The following CLIP1 variants were observed in gnomAD, a reference collection of about 807,000 sequenced individuals.
CLIP1 encodes the protein CAP-Gly domain containing linker protein 1, also known as CAP-Gly domain-containing linker protein 1.
CLIP1 carries 66 observed loss-of-function variants against 161.6 expected under a neutral mutation model. The observed-to-expected ratio is 0.41, with a 90% CI of 0.33 to 0.50. The LOEUF (loss-of-function observed/expected upper bound fraction) is 0.50, where lower values mean the gene tolerates loss of function less well. Among genes scored for constraint, CLIP1 ranks in the 20% least tolerant of loss-of-function variants. The probability of loss-of-function intolerance (pLI) is 0.27; values close to 1 mark genes in which losing one functional copy is unlikely to be tolerated. For synonymous variants in CLIP1, 598 were observed against 626.2 expected, an observed-to-expected ratio of 0.96 and a Z score of 0.67; for missense variants, 1,376 against 1,702.0, an observed-to-expected ratio of 0.81 and a Z score of 3.37.
At chr12:122,309,392 A>AT (rs550424477) in intron 20 of CLIP1, among the ~76,000 whole-genome samples, 19 of 152,326 alleles carry the variant, frequency 1.2e-4, no homozygotes, top group African/African-American at 4.6e-4. Context: ...TTCAAAATCA[A>AT]TTTTGATGAA....
intron 17 of CLIP1, among the ~76,000 whole-genome samples, chr12:122,327,215 A>G (rs762448577): frequency 1.2e-4 from 19 of 152,078 alleles, no homozygotes; most frequent in Non-Finnish European, 2.2e-4. Flanking sequence ...AGAGGCCAAG[A>G]TGGGAGGACT....
chr12:122,333,871 G>T (rs547839842), intron 14 of CLIP1, among the ~76,000 whole-genome samples, 156 bp downstream of exon 14: 1 of 152,304 alleles, frequency 6.6e-6, no homozygotes, highest in South Asian at 2.1e-4. Flanking sequence ...GGAGGTTACA[G>T]ATCTCAAACA....
At chr12:122,280,446 T>C (rs1402809316) in intron 21 of CLIP1, 1 of 152,220 alleles carries the variant, frequency 6.6e-6, no homozygotes, top group African/African-American at 2.4e-5. Flanking sequence ...GCTGAGAAAC[T>C]GTCACATATA....
chr12:122,318,940 AGATCAAG>A (rs1165242004), intron 18 of CLIP1, among the ~76,000 whole-genome samples: 1 of 152,214 alleles, frequency 6.6e-6, no homozygotes, highest in African/African-American at 2.4e-5. Context: ...GTGTGATGTA[AGATCAAG>A]GATACAAAAG....
At position 122,341,265 on chromosome 12, in the gene CLIP1, T is replaced by C; in HGVS notation, c.1939A>G (p.Lys647Glu). 4.3e-6 allele frequency: 7 copies of C among 1,614,104 alleles called. No homozygotes were observed. The highest frequency in any genetic ancestry group is 5.9e-6 in the Non-Finnish European group (7 of 1,180,006). ...AMEELKVSFS[K>E]GLGTETAEFA... ...TCTGCCGTCTCTGTTCCAAGCCCTT[T>C]GCTGAAAGATACCTTCAGTTCTTCC... The change falls in exon 11 of 26, where the codon AAA becomes GAA. Residue 647 changes from lysine to glutamate, a missense_variant. Physicochemically the swap from Lys to Glu is moderately conservative, Grantham distance 56 (BLOSUM62 1). This residue lies in a region of CLIP1 where 948 missense variants were observed against 1,134.8 expected (regional missense o/e 0.84). Coordinates refer to ENST00000620786, the MANE Select transcript of CLIP1 (RefSeq NM_001247997.2).
rs1955546040 is a variant in CLIP1, at chr12:122,279,119, T to A, written c.3674A>T (p.Asp1225Val). 1.2e-5 allele frequency: 19 copies of A among 1,611,936 alleles called. No individual in the cohort carries two copies. Among genetic ancestry groups the A allele is most frequent in the Non-Finnish European group, 1.5e-5 (18 of 1,179,398 alleles). ...TTTCTGCAAGGAAGCTTTCTCTTCA[T>A]CTGCGTCTTTTATGAACTTGGATTC... The part of the protein sequence containing the change: ...KRESKFIKDA[D>V]EEKASLQKSI... Residue 1225 changes from aspartate to valine, a missense_variant, in exon 22 of 26, where the codon GAT becomes GTT. Around this residue, in one of 6 missense-constraint regions of CLIP1, gnomAD observed 948 missense variants for 1,134.8 expected, o/e 0.84. Transcript: ENST00000620786. The surrounding 1 kb of genome is among the most constrained non-coding windows in gnomAD (Gnocchi z 4.5).
At chr12:122,325,473 A>AATTT (rs551251197) in intron 17 of CLIP1, among the ~76,000 whole-genome samples, 40 of 151,662 alleles carry the variant, frequency 2.6e-4, no homozygotes, top group Admixed American at 2.1e-3. Flanking sequence ...AACAAATTTA[A>AATTT]ATTTATTTAT....
intron 15 of CLIP1, among the ~76,000 whole-genome samples, chr12:122,330,617 T>TTTTG (rs1951911217): frequency 6.8e-6 from 1 of 147,750 alleles, no homozygotes. Context: ...TTTTTTTTTT[T>TTTTG]GAGATGGAGT....
chr12:122,278,458 A>T, intron 23 of CLIP1: 1 of 562,136 alleles, frequency 1.8e-6, no homozygotes, highest in South Asian at 2.4e-5. Context: ...AATGCCTGTC[A>T]CGTCCATCTG....
At chr12:122,280,079 T>C (rs78230910) in intron 21 of CLIP1, 12,223 of 152,268 alleles carry the variant, frequency 0.08, 586 homozygotes, top group African/African-American at 0.13. Flanking sequence ...GTGTGTTTTT[T>C]TTATTTTTTT....
At chr12:122,297,003 G>C (rs760640857) in intron 20 of CLIP1, among the ~76,000 whole-genome samples, 3 of 151,924 alleles carry the variant, frequency 2.0e-5, no homozygotes, top group South Asian at 4.2e-4. Flanking sequence ...CTCTGCTTCT[G>C]TGTATGCTTG....
intron 3 of CLIP1, among the ~76,000 whole-genome samples, chr12:122,375,808 CTTT>C (rs10715025): frequency 1.0e-3 from 122 of 120,046 alleles, no homozygotes; most frequent in Non-Finnish European, 9.8e-4. Context: ...TAAAGTTACT[CTTT>C]TTTTTTTTTT....
chr12:122,353,738 C>A (rs1953172470), intron 7 of CLIP1, among the ~76,000 whole-genome samples: 1 of 151,972 alleles, frequency 6.6e-6, no homozygotes, highest in South Asian at 2.1e-4. Flanking sequence ...TCAAGCAATT[C>A]TCCTGCCTCA....
intron 1 of CLIP1, among the ~76,000 whole-genome samples, chr12:122,404,434 A>G (rs1956248094): frequency 6.6e-6 from 1 of 151,992 alleles, no homozygotes; most frequent in African/African-American, 2.4e-5. Context: ...ACCTGTCTCT[A>G]CTAAAAATAT....
At chr12:122,378,155 C>T (rs1182065802) in intron 2 of CLIP1, among the ~76,000 whole-genome samples, 195 bp from the exon 3 acceptor site, 3 of 151,618 alleles carry the variant, frequency 2.0e-5, no homozygotes, top group Admixed American at 2.0e-4. Context: ...GGTGTGATCT[C>T]GGCTCACTGC....
At chr12:122,356,828 C>G (rs982768473) in intron 5 of CLIP1, among the ~76,000 whole-genome samples, 1 of 152,188 alleles carries the variant, frequency 6.6e-6, no homozygotes, top group Admixed American at 6.5e-5. Flanking sequence ...TTGGTGGAGA[C>G]GGGGTTTCGC....
Position 122,354,519 on chromosome 12 carries a change from C to G in CLIP1, c.1241G>C (p.Arg414Pro). Reference sequence around the variant, plus strand: ...CCTGTCAGCAGCTTCCACCATTGTTCGCAGCTGGTCCATTTTGGCTTCCAA... The same window carrying G: ...CCTGTCAGCAGCTTCCACCATTGTTGGCAGCTGGTCCATTTTGGCTTCCAA... ...LELEAKMDQLRTMVEAADREK... is the reference protein window; with the variant it reads ...LELEAKMDQLPTMVEAADREK... Residue 414 changes from arginine to proline, a missense_variant, in exon 7 of 26, where the codon CGA becomes CCA. By Grantham distance (103) the Arg-to-Pro change is moderately radical (BLOSUM62 -2). This residue lies in a region of CLIP1 where 211 missense variants were observed against 295.1 expected (regional missense o/e 0.72). Coordinates refer to ENST00000620786, the MANE Select transcript of CLIP1 (RefSeq NM_001247997.2). 1 of 1,613,902 alleles carries G rather than the reference C, an allele frequency of 6.2e-7. No homozygotes were observed. Among genetic ancestry groups the G allele is most frequent in the Non-Finnish European group, 8.5e-7 (1 of 1,179,908 alleles).
chr12:122,370,046 C>T (rs1954359551), intron 3 of CLIP1, among the ~76,000 whole-genome samples: 1 of 151,908 alleles, frequency 6.6e-6, no homozygotes, highest in African/African-American at 2.4e-5. Context: ...GCCTGTAGTC[C>T]CAGCTACTCA....
intron 1 of CLIP1, among the ~76,000 whole-genome samples, chr12:122,417,869 A>G (rs1161061438): frequency 6.6e-6 from 1 of 152,106 alleles, no homozygotes; most frequent in Non-Finnish European, 1.5e-5. Flanking sequence ...ACTACAGCCT[A>G]GAAAGTCTTC....
Sources: allele counts gnomAD v4.1 joint callset (sites outside exome capture counted in the v4.1 genomes callset), GRCh38; gene constraint gnomAD v4.1.1; regional missense constraint gnomAD v4.1.1; non-coding constraint Gnocchi (gnomAD v3.1); transcripts MANE v1.5; gene names NCBI Gene and HGNC (gene_info 2026-07-23, HGNC 2026-07-21).